The following NRXN1 variants were observed in gnomAD, a reference collection of about 807,000 sequenced individuals.
NRXN1 encodes neurexin 1.
NRXN1 carries 39 observed loss-of-function variants against 150.9 expected under a neutral mutation model. That is an observed-to-expected ratio of 0.26 (90% CI 0.20 to 0.34). The LOEUF is 0.34. NRXN1 is among the 10% of genes least tolerant of loss of function. The pLI, the probability that NRXN1 is intolerant of heterozygous loss-of-function variation, is 1.00. For synonymous variants in NRXN1, 924 were observed against 757.0 expected (o/e 1.22, Z -3.62); for missense variants, 1,815 against 1,949.9 (o/e 0.93, Z 1.30).
intron 5 of NRXN1, among the ~76,000 whole-genome samples, chr2:50,691,429 G>T (rs1444813020): frequency 6.6e-6 from 1 of 152,102 alleles, no homozygotes; most frequent in Non-Finnish European, 1.5e-5. Flanking sequence ...TCAAATAAAT[G>T]AGATTTTTTA....
At chr2:50,407,278 G>A (rs888079885) in intron 17 of NRXN1, among the ~76,000 whole-genome samples, 1 of 151,932 alleles carries the variant, frequency 6.6e-6, no homozygotes, top group African/African-American at 2.4e-5. Context: ...GCTTTTAAAG[G>A]TTTTATAAAC....
intron 19 of NRXN1, among the ~76,000 whole-genome samples, chr2:50,073,798 G>T (rs1431230272): frequency 1.3e-5 from 2 of 152,086 alleles, no homozygotes; most frequent in African/African-American, 4.8e-5. Flanking sequence ...TGAGCATTCT[G>T]ATTAGAAACA....
intron 2 of NRXN1, among the ~76,000 whole-genome samples, chr2:50,937,786 T>C (rs979730151): frequency 3.3e-5 from 5 of 152,096 alleles, no homozygotes; most frequent in South Asian, 2.1e-4. Flanking sequence ...AAATTAACTA[T>C]TAAAGATCCA....
chr2:50,182,082 TGG>T, intron 18 of NRXN1, among the ~76,000 whole-genome samples: 1 of 151,280 alleles, frequency 6.6e-6, no homozygotes. Flanking sequence ...TATTTTTCAT[TGG>T]TTACTACTTC....
chr2:50,705,170 G>A (rs138263174), intron 5 of NRXN1, among the ~76,000 whole-genome samples: 2 of 151,586 alleles, frequency 1.3e-5, no homozygotes, highest in Non-Finnish European at 2.9e-5. Flanking sequence ...TTGACATTTT[G>A]ACAAATGTGT....
At chr2:50,901,676 A>G (rs1018960185) in intron 5 of NRXN1, among the ~76,000 whole-genome samples, 6 of 152,230 alleles carry the variant, frequency 3.9e-5, no homozygotes, top group Non-Finnish European at 7.3e-5. Flanking sequence ...TCTTAAAAGG[A>G]AAGTTCAACA....
intron 21 of NRXN1, among the ~76,000 whole-genome samples, chr2:49,954,253 G>A (rs1674522661): frequency 6.6e-6 from 1 of 151,986 alleles, no homozygotes; most frequent in South Asian, 2.1e-4. Context: ...TGCCAGCATT[G>A]AATTCATTTT....
chr2:50,274,820 G>T (rs1487203190), intron 17 of NRXN1, among the ~76,000 whole-genome samples: 2 of 152,034 alleles, frequency 1.3e-5, no homozygotes, highest in African/African-American at 4.8e-5. Flanking sequence ...AGTAGTCGAT[G>T]TTGCCTAAAT....
At chr2:50,997,873 T>A (rs1249860140) in intron 2 of NRXN1, among the ~76,000 whole-genome samples, 1 of 141,570 alleles carries the variant, frequency 7.1e-6, no homozygotes. Context: ...CAACACATAA[T>A]AAACACTCTT....
chr2:50,375,045 T>C (rs1014105877), intron 17 of NRXN1, among the ~76,000 whole-genome samples: 1 of 152,128 alleles, frequency 6.6e-6, no homozygotes, highest in African/African-American at 2.4e-5. Flanking sequence ...ATAAGTGCAA[T>C]TTTGTGGGCA....
At chr2:50,912,838 T>C (rs892191112) in intron 5 of NRXN1, 2 of 151,322 alleles carry the variant, frequency 1.3e-5, no homozygotes, top group South Asian at 2.1e-4. Context: ...GCATTCGTTC[T>C]ATAAATAATG....
intron 18 of NRXN1, among the ~76,000 whole-genome samples, chr2:50,166,325 T>TTG (rs1290023211): frequency 1.1e-4 from 8 of 73,314 alleles, no homozygotes; most frequent in East Asian, 7.7e-4. Flanking sequence ...GTGTGTGTGT[T>TTG]TGTGTGTGTG....
At chr2:50,897,114 C>T (rs1381666788) in intron 5 of NRXN1, among the ~76,000 whole-genome samples, 1 of 152,154 alleles carries the variant, frequency 6.6e-6, no homozygotes, top group African/African-American at 2.4e-5. Context: ...GGTATCATGG[C>T]TAACAGCAAC....
At position 50,631,391 on chromosome 2, in the gene NRXN1, A is replaced by G. The variant is rs188810022; in HGVS notation, c.833-7776T>C. 702 of 230,316 alleles carry G rather than the reference A, an allele frequency of 3.0e-3. 4 individuals carry two copies. The highest frequency in any genetic ancestry group is 4.9e-3 in the Non-Finnish European group (567 of 116,864). The allele number at this position is 230,316 out of a possible 1,614,324, so 14.3% of individuals were successfully genotyped here. A position where few individuals can be genotyped will look rare whatever the true frequency, so the allele number is the denominator to read the frequency against. The stretch of plus-strand genomic sequence containing the variant: ...AGTCACTAAATATGAAAGGTAAGTT[A>G]GACTTAGACATTATTTAGTCCAGTG... On this transcript the variant is annotated intron_variant, in intron 5 of 22. Transcript: ENST00000401669.
intron 5 of NRXN1, among the ~76,000 whole-genome samples, chr2:50,878,435 C>G (rs769515894): frequency 6.6e-6 from 1 of 150,724 alleles, no homozygotes; most frequent in East Asian, 2.0e-4. Flanking sequence ...CCCTCCTCCT[C>G]CACCTACACC....
intron 2 of NRXN1, chr2:50,964,104 A>G: frequency 6.7e-6 from 2 of 298,406 alleles, no homozygotes; most frequent in East Asian, 8.0e-5. Context: ...TTATTTCGAC[A>G]ACGATTACAA....
Position 50,497,425 on chromosome 2 carries a change from A to T in NRXN1, c.2787T>A (p.Leu929=), listed in dbSNP as rs573288968. The stretch of plus-strand genomic sequence containing the variant: ...GGGATGTTGTCTTGAACTGGAAAAA[A>T]AGATGCATAGAAGTGTAGGCTTGCA... ...ATLQAYTSMH[L]FFQFKTTSLD... Residue 929 remains leucine (L), a synonymous_variant, in exon 14 of 23, where the codon CTT becomes CTA. Coordinates refer to ENST00000401669, the MANE Select transcript of NRXN1 (RefSeq NM_001330078.2). 3.7e-6 allele frequency: 6 copies of T among 1,611,098 alleles called. No individual in the cohort carries two copies. The Admixed American group carries it at 5.0e-5, about 13-fold the overall frequency.
intron 19 of NRXN1, among the ~76,000 whole-genome samples, chr2:50,085,521 G>A (rs984405055): frequency 9.2e-5 from 14 of 152,012 alleles, no homozygotes; most frequent in Admixed American, 6.6e-4. Flanking sequence ...TGATTCTTAA[G>A]TATTCTAATG....
intron 5 of NRXN1, among the ~76,000 whole-genome samples, chr2:50,813,547 G>C (rs17503959): frequency 0.094 from 14,354 of 152,048 alleles, 783 homozygotes; most frequent in Admixed American, 0.14. Context: ...TCTTCTCAAA[G>C]TGCATTTTTA....
Sources: gnomAD v4.1 joint callset for allele counts (sites outside exome capture counted in the v4.1 genomes callset) on GRCh38, gnomAD v4.1.1 for gene constraint, MANE v1.5 for transcripts, NCBI Gene and HGNC (gene_info 2026-07-23, HGNC 2026-07-21) for gene names.